Variants in SEMA3C observed in about 807,000 individuals in gnomAD.
SEMA3C encodes the protein semaphorin 3C.
SEMA3C carries 47 observed loss-of-function variants against 89.4 expected under a neutral mutation model. That is an observed-to-expected ratio of 0.53 (90% CI 0.42 to 0.67). SEMA3C has a LOEUF of 0.67. Among genes scored for constraint, SEMA3C ranks in the 30% least tolerant of loss-of-function variants. SEMA3C has a pLI of 0.00. For missense variants in SEMA3C, 839 were observed against 929.1 expected (o/e 0.90, Z 1.26); for synonymous variants, 310 against 320.2 (o/e 0.97, Z 0.34).
At chr7:80,861,012 T>G (rs1191382258) in intron 2 of SEMA3C, among the ~76,000 whole-genome samples, 1 of 152,174 alleles carries the variant, frequency 6.6e-6, no homozygotes, top group East Asian at 1.9e-4. Flanking sequence ...ATATGGATTT[T>G]CACTTAATTA....
rs1347195564 is a variant in SEMA3C, at chr7:80,863,884, T to TACATATGTATCACATACATATCACAC, written c.104-35140_104-35139insGTGTGATATGTATGTGATACATATGT. 2.0e-4 allele frequency among the ~76,000 whole-genome samples: 24 copies of TACATATGTATCACATACATATCACAC among 120,288 alleles called. 1 individual carries two copies. The highest frequency in any genetic ancestry group is 3.2e-4 in the African/African-American group (8 of 25,192). 78.9% of individuals were successfully genotyped at this position (120,288 alleles called of 152,430 possible). On this transcript the variant is annotated intron_variant, in intron 2 of 17. Transcript: ENST00000265361. Reference sequence around the variant, plus strand: ...ATGTATCACATATATATGTATCACATATATATCACACATATATTACATATA... The same window carrying TACATATGTATCACATACATATCACAC: ...ATGTATCACATATATATGTATCACATACATATGTATCACATACATATCACACATATATCACACATATATTACATATA...
chr7:80,869,046 T>C (rs997610449), intron 2 of SEMA3C, among the ~76,000 whole-genome samples: 17 of 152,224 alleles, frequency 1.1e-4, no homozygotes, highest in Non-Finnish European at 1.9e-4. Context: ...ATGCCTTACA[T>C]ATTGTAATGG....
At chr7:80,811,482 T>C (rs986290529) in intron 5 of SEMA3C, among the ~76,000 whole-genome samples, 1 of 152,022 alleles carries the variant, frequency 6.6e-6, no homozygotes, top group Non-Finnish European at 1.5e-5. Flanking sequence ...AGAAGAAATA[T>C]CTTGTCAGTA....
chr7:80,913,981 A>C (rs925158916), intron 2 of SEMA3C, among the ~76,000 whole-genome samples: 5 of 152,332 alleles, frequency 3.3e-5, no homozygotes, highest in African/African-American at 1.2e-4. Flanking sequence ...ACCCAGAGAG[A>C]GACAGGCAGA....
chr7:80,778,631 C>A (rs552525752), intron 12 of SEMA3C, among the ~76,000 whole-genome samples: 1 of 152,170 alleles, frequency 6.6e-6, no homozygotes, highest in Non-Finnish European at 1.5e-5. Flanking sequence ...ATCAAACAAC[C>A]CATTTACTTG....
At chr7:80,879,948 A>G (rs529580477) in intron 2 of SEMA3C, among the ~76,000 whole-genome samples, 2 of 152,256 alleles carry the variant, frequency 1.3e-5, no homozygotes, top group South Asian at 2.1e-4. Flanking sequence ...CACGGTACCA[A>G]CGAAATGAGA....
intron 17 of SEMA3C, among the ~76,000 whole-genome samples, chr7:80,748,349 T>G (rs1240950478): frequency 6.6e-6 from 1 of 152,122 alleles, no homozygotes; most frequent in East Asian, 1.9e-4. Context: ...ATCTAAGGAC[T>G]TTTTCCACAT....
intron 5 of SEMA3C, among the ~76,000 whole-genome samples, chr7:80,814,218 A>G (rs1282425401): frequency 6.6e-6 from 1 of 151,718 alleles, no homozygotes; most frequent in Non-Finnish European, 1.5e-5. Context: ...CCTCCCAAGT[A>G]GCTGGGACTA....
At chr7:80,779,962 A>C (rs1428139475) in intron 12 of SEMA3C, among the ~76,000 whole-genome samples, 1 of 152,282 alleles carries the variant, frequency 6.6e-6, no homozygotes, top group East Asian at 1.9e-4. Flanking sequence ...CAAGGAACTG[A>C]ATTTTGCCAA....
chr7:80,792,462 A>G lies in SEMA3C; in HGVS notation c.1132-2934T>C, dbSNP rs148982650. 8.0e-3 allele frequency among the ~76,000 whole-genome samples: 1,211 copies of G among 152,312 alleles called. 14 individuals carry two copies. Among genetic ancestry groups the G allele is most frequent in the African/African-American group, 0.027 (1,102 of 41,560 alleles). On this transcript the variant is annotated intron_variant, in intron 11 of 17. Transcript: ENST00000265361. ...CTCGTTTCTGAGTTCTGGAAAAATCAAAGTTAGCATATATTACTAAACAAT... is the reference window on the plus strand; with the variant it reads ...CTCGTTTCTGAGTTCTGGAAAAATCGAAGTTAGCATATATTACTAAACAAT...
upstream of SEMA3C, chr7:80,922,161 G>T (rs2116280069): frequency 1.1e-6 from 1 of 927,932 alleles, no homozygotes; most frequent in Admixed American, 2.8e-5. Flanking sequence ...TTGAAGGTTT[G>T]CCCAAAGTCA....
chr7:80,771,216 AC>A (rs1246425761), intron 12 of SEMA3C, among the ~76,000 whole-genome samples: 1 of 152,176 alleles, frequency 6.6e-6, no homozygotes, highest in African/African-American at 2.4e-5. Context: ...ATCGCTGAGT[AC>A]ACTTTTGACA....
intron 12 of SEMA3C, among the ~76,000 whole-genome samples, 177 bp from the exon 13 acceptor site, chr7:80,765,420 CACAT>C (rs1788276113): frequency 6.6e-6 from 1 of 152,096 alleles, no homozygotes; most frequent in Non-Finnish European, 1.5e-5. Flanking sequence ...AAAATTGAAA[CACAT>C]ACAATTCAAG....
At chr7:80,764,719 A>G (rs1788258192) in intron 13 of SEMA3C, among the ~76,000 whole-genome samples, 1 of 152,218 alleles carries the variant, frequency 6.6e-6, no homozygotes, top group Admixed American at 6.5e-5. Context: ...AAGAGAAAAC[A>G]AAGTCGTTTT....
At position 80,828,846 on chromosome 7, in the gene SEMA3C, G is replaced by C; in HGVS notation, c.104-101C>G. 4.4e-6 allele frequency: 4 copies of C among 910,100 alleles called. No individual in the cohort carries two copies. The South Asian group carries it at 9.0e-5, about 20-fold the overall frequency. The allele number at this position is 910,100 out of a possible 1,614,324, so 56.4% of individuals were successfully genotyped here. On this transcript the variant is annotated intron_variant, in intron 2 of 17. Transcript: ENST00000265361. ...TGCAAATATTCCAAAAAATGTCAAG[G>C]TACATTTTCTTCTACAGTAAGAAAT...
chr7:80,890,391 G>A (rs186868376), intron 2 of SEMA3C, among the ~76,000 whole-genome samples: 1 of 152,054 alleles, frequency 6.6e-6, no homozygotes, highest in Non-Finnish European at 1.5e-5. Flanking sequence ...TAATGTCTAA[G>A]TTAAAAGTGT....
intron 2 of SEMA3C, among the ~76,000 whole-genome samples, chr7:80,909,485 G>T (rs1792093535): frequency 6.6e-6 from 1 of 152,262 alleles, no homozygotes. Context: ...TAGTAATTTA[G>T]AAATTAATTA....
intron 6 of SEMA3C, among the ~76,000 whole-genome samples, chr7:80,809,932 A>G (rs1207861872): frequency 1.3e-5 from 2 of 152,052 alleles, no homozygotes; most frequent in African/African-American, 4.8e-5. Context: ...AGAGGGTAGA[A>G]AGGTTAATTA....
chr7:80,749,084 G>A, intron 16 of SEMA3C, 56 bp from the exon 17 acceptor site: 2 of 1,519,520 alleles, frequency 1.3e-6, no homozygotes, highest in Non-Finnish European at 1.8e-6. Flanking sequence ...TGAATTTAGA[G>A]CACATTCTCC....
Sources: gnomAD v4.1 joint callset for allele counts (sites outside exome capture counted in the v4.1 genomes callset) on GRCh38, gnomAD v4.1.1 for gene constraint, MANE v1.5 for transcripts, NCBI Gene and HGNC (gene_info 2026-07-23, HGNC 2026-07-21) for gene names.